The following TRIM37 variants were observed in gnomAD, a reference collection of about 807,000 sequenced individuals.
The protein encoded by TRIM37 is tripartite motif containing 37.
A neutral mutation model predicts 129.8 loss-of-function variants in TRIM37; 80 were observed. That is an observed-to-expected ratio of 0.62 (90% CI 0.51 to 0.74). TRIM37 has a LOEUF of 0.74. TRIM37 is among the 30% of genes least tolerant of loss of function. The probability of loss-of-function intolerance (pLI) is 0.00; values close to 1 mark genes in which losing one functional copy is unlikely to be tolerated. For synonymous variants in TRIM37, 389 were observed against 387.1 expected (o/e 1.00, Z -0.06); for missense variants, 1,054 against 1,176.5 (o/e 0.90, Z 1.52).
chr17:59,020,842 G>A (rs1321722855), intron 19 of TRIM37, among the ~76,000 whole-genome samples: 1 of 152,188 alleles, frequency 6.6e-6, no homozygotes, highest in Non-Finnish European at 1.5e-5. Context: ...TGGTGAAGAT[G>A]TAGAGAAAAG....
chr17:59,087,798 A>T (rs1201450818), intron 4 of TRIM37, among the ~76,000 whole-genome samples: 3 of 152,206 alleles, frequency 2.0e-5, no homozygotes, highest in African/African-American at 7.2e-5. Flanking sequence ...AAGCCTTACA[A>T]TTAACCATGT....
chr17:58,971,164 T>C, the TRIM37 span, among the ~76,000 whole-genome samples: 1 of 152,172 alleles, frequency 6.6e-6, no homozygotes, highest in Non-Finnish European at 1.5e-5. Flanking sequence ...CCCTGCCTCC[T>C]GTTCTCTCCA....
Position 59,081,213 on chromosome 17 carries a change from C to T in TRIM37, c.376G>A (p.Gly126Arg), listed in dbSNP as rs1306969625. ...TCTGCCAAAGGTTTAAAGGTATGTC[C>T]GCCATGCTATTTAAATTAGAGTAGC... Reference protein sequence around the residue: ...QCALWGGMHGGHTFKPLAEIY... With the variant: ...QCALWGGMHGRHTFKPLAEIY... Residue 126 changes from glycine to arginine, a missense_variant, in exon 6 of 24, where the codon GGA (glycine) becomes AGA (arginine). Physicochemically the swap from Gly to Arg is moderately radical, Grantham distance 125 (BLOSUM62 -2). Around this residue, in one of 3 missense-constraint regions of TRIM37, gnomAD observed 752 missense variants for 870.8 expected, o/e 0.86. Coordinates refer to ENST00000262294, the MANE Select transcript of TRIM37 (RefSeq NM_015294.6). 1.9e-6 allele frequency: 3 copies of T among 1,613,270 alleles called. No homozygotes were observed. Among genetic ancestry groups the T allele is most frequent in the African/African-American group, 1.3e-5 (1 of 74,892 alleles).
chr17:58,984,487 A>G (rs1209060208), intron 24 of TRIM37: 1 of 152,650 alleles, frequency 6.6e-6, no homozygotes, highest in Non-Finnish European at 1.5e-5. Context: ...CACTCAGTGA[A>G]CATTCTTACC....
chr17:58,977,391 T>C, the TRIM37 span, among the ~76,000 whole-genome samples: 1 of 148,110 alleles, frequency 6.8e-6, no homozygotes, highest in Admixed American at 6.9e-5. Context: ...TGCAATGAGC[T>C]GAGATCACAC....
At chr17:59,006,455 T>C (rs938251409) in intron 22 of TRIM37, among the ~76,000 whole-genome samples, 2 of 152,234 alleles carry the variant, frequency 1.3e-5, no homozygotes, top group African/African-American at 4.8e-5. Flanking sequence ...ATTAACCACC[T>C]GGTACAGATG....
At chr17:58,967,836 G>T in the TRIM37 span, among the ~76,000 whole-genome samples, 1 of 147,134 alleles carries the variant, frequency 6.8e-6, no homozygotes, top group East Asian at 2.0e-4. Flanking sequence ...AGTCTCGCTC[G>T]CTCTGTCTCC....
chr17:59,096,083 A>G (rs145496628), intron 2 of TRIM37, among the ~76,000 whole-genome samples: 34 of 152,284 alleles, frequency 2.2e-4, no homozygotes, highest in African/African-American at 6.7e-4. Flanking sequence ...TTCTTATGGT[A>G]TGTCTACCAA....
chr17:59,041,699 C>A, intron 17 of TRIM37, 114 bp downstream of exon 17: 1 of 773,470 alleles, frequency 1.3e-6, no homozygotes, highest in South Asian at 1.5e-5. Flanking sequence ...ATACCACTTC[C>A]AACACCATGA....
At chr17:59,006,615 G>A (rs1046867729) in intron 22 of TRIM37, among the ~76,000 whole-genome samples, 5 of 152,080 alleles carry the variant, frequency 3.3e-5, no homozygotes, top group Admixed American at 6.6e-5. Context: ...GGCTGGGTGC[G>A]CGGTGGCTCA....
intron 17 of TRIM37, among the ~76,000 whole-genome samples, chr17:59,040,474 G>A (rs1008559730): frequency 2.6e-5 from 4 of 152,114 alleles, no homozygotes; most frequent in African/African-American, 4.8e-5. Flanking sequence ...TATCAGTCAC[G>A]GTGGCTACTG....
At chr17:59,081,950 AAAT>A (rs1450896743) in intron 5 of TRIM37, among the ~76,000 whole-genome samples, 9,940 of 114,374 alleles carry the variant, frequency 0.087, 286 homozygotes, top group East Asian at 0.14. Context: ...AAAAAAAAAA[AAAT>A]AAAAAAAAAA....
chr17:59,016,557 G>A (rs548437090), intron 20 of TRIM37, among the ~76,000 whole-genome samples: 40 of 113,786 alleles, frequency 3.5e-4, no homozygotes, highest in African/African-American at 1.3e-3. Context: ...GAGCCCAAAA[G>A]TTCAAGACCA....
At chr17:59,105,508 A>T (rs2045916060) in intron 1 of TRIM37, among the ~76,000 whole-genome samples, 1 of 152,260 alleles carries the variant, frequency 6.6e-6, no homozygotes. Context: ...AATTAAACGT[A>T]TACTTATTGT....
At chr17:59,004,045 C>T (rs2034145592) in intron 22 of TRIM37, among the ~76,000 whole-genome samples, 2 of 152,010 alleles carry the variant, frequency 1.3e-5, no homozygotes, top group African/African-American at 4.8e-5. Context: ...GGAGTTCAAG[C>T]CTGCAGTGAG....
intron 24 of TRIM37, among the ~76,000 whole-genome samples, chr17:58,991,396 C>T (rs1201228179): frequency 2.6e-5 from 4 of 151,046 alleles, no homozygotes; most frequent in East Asian, 2.0e-4. Context: ...ATTAGCTGCG[C>T]GTGGTGGCAG....
intron 22 of TRIM37, among the ~76,000 whole-genome samples, chr17:59,011,470 A>G (rs2035246850): frequency 6.6e-6 from 1 of 152,222 alleles, no homozygotes; most frequent in African/African-American, 2.4e-5. Context: ...GCTACAATTC[A>G]TCAATCATTG....
chr17:58,995,141 C>G (rs2032859864), downstream of TRIM37, among the ~76,000 whole-genome samples: 1 of 152,122 alleles, frequency 6.6e-6, no homozygotes, highest in Admixed American at 6.6e-5. Flanking sequence ...CTCTACCTCC[C>G]AAGCTCAAGT....
intron 3 of TRIM37, among the ~76,000 whole-genome samples, chr17:59,089,148 T>A (rs1347337429): frequency 6.6e-6 from 1 of 151,896 alleles, no homozygotes; most frequent in African/African-American, 2.4e-5. Flanking sequence ...CAGCTACCCA[T>A]GAAGCTGAGG....
Sources: gnomAD v4.1 joint callset for allele counts (sites outside exome capture counted in the v4.1 genomes callset) on GRCh38, gnomAD v4.1.1 for gene constraint, gnomAD v4.1.1 regional missense constraint, MANE v1.5 for transcripts, NCBI Gene and HGNC (gene_info 2026-07-23, HGNC 2026-07-21) for gene names.